IQSEC2: variants seen among roughly 807,000 people sequenced by gnomAD.
IQSEC2 encodes the protein IQ motif and Sec7 domain ArfGEF 2.
Under a neutral mutation model 74.6 loss-of-function variants are expected in IQSEC2, and 6 were observed. The ratio of observed to expected loss-of-function variants is 0.08; its 90% CI spans 0.04 to 0.16. The LOEUF is 0.16. IQSEC2 is among the 10% of genes least tolerant of loss of function. The pLI, the probability that IQSEC2 is intolerant of heterozygous loss-of-function variation, is 1.00. For missense variants in IQSEC2, 734 were observed against 1,306.2 expected, an observed-to-expected ratio of 0.56 and a Z score of 6.75; for synonymous variants, 494 against 544.5, an observed-to-expected ratio of 0.91 and a Z score of 1.29.
intron 1 of IQSEC2, among the ~76,000 whole-genome samples, chrX:53,307,775 C>G (rs1221749421): frequency 9.4e-6 from 1 of 106,468 alleles, no homozygotes. Context: ...TGGCAGTGCA[C>G]ACCTGTAATC....
chrX:53,251,277 G>C, intron 4 of IQSEC2, 103 bp from the exon 5 acceptor site: 1 of 868,997 alleles, frequency 1.2e-6, no homozygotes, highest in Non-Finnish European at 1.6e-6. Context: ...TAAGGAAAAA[G>C]GGGGAGTCTT....
At chrX:53,253,676 T>C (rs1238513196) in intron 4 of IQSEC2, among the ~76,000 whole-genome samples, 2 of 112,103 alleles carry the variant, frequency 1.8e-5, no homozygotes, top group Non-Finnish European at 3.8e-5. Context: ...CATTATACTA[T>C]AGCCTTTCTC....
chrX:53,266,656 A>C, intron 2 of IQSEC2: 2 of 841,279 alleles, frequency 2.4e-6, no homozygotes, highest in Non-Finnish European at 2.9e-6. Flanking sequence ...GTGCCTGGGA[A>C]GTGGGAGTGC....
chrX:53,288,558 G>A (rs1168608083), intron 2 of IQSEC2, among the ~76,000 whole-genome samples: 6 of 111,395 alleles, frequency 5.4e-5, no homozygotes, highest in East Asian at 5.7e-4. Context: ...CATCAGGCCC[G>A]TCCTGCCCTC....
intron 1 of IQSEC2, among the ~76,000 whole-genome samples, chrX:53,302,986 T>A (rs1190744280): frequency 9.0e-6 from 1 of 111,366 alleles, no homozygotes; most frequent in Non-Finnish European, 1.9e-5. Context: ...GAAGACTGCC[T>A]CAGCCCAAGA....
chrX:53,307,801 G>A (rs782441421), intron 1 of IQSEC2, among the ~76,000 whole-genome samples: 2 of 106,375 alleles, frequency 1.9e-5, no homozygotes, highest in Non-Finnish European at 3.9e-5. Flanking sequence ...TATTCGGGAG[G>A]CTGAGGCAGG....
At chrX:53,271,435 A>G (rs781819733) in intron 2 of IQSEC2, among the ~76,000 whole-genome samples, 19 of 110,778 alleles carry the variant, frequency 1.7e-4, no homozygotes, top group Non-Finnish European at 3.2e-4. Context: ...TTGCACTATC[A>G]CCCTGGCATG....
chrX:53,236,035 G>A (rs963451001), intron 13 of IQSEC2, among the ~76,000 whole-genome samples: 1 of 111,234 alleles, frequency 9.0e-6, no homozygotes, highest in Non-Finnish European at 1.9e-5. Flanking sequence ...AAGGAGGAGT[G>A]GAGGTACAGG....
chrX:53,239,099 T>A, intron 11 of IQSEC2, 96 bp downstream of exon 11: 1 of 678,873 alleles, frequency 1.5e-6, no homozygotes, highest in South Asian at 2.2e-5. Context: ...AGTCCGGTTG[T>A]AAGGGACTCC....
At chrX:53,232,333 C>A (rs1313104190), downstream of IQSEC2, among the ~76,000 whole-genome samples, 3 of 111,940 alleles carry the variant, frequency 2.7e-5, no homozygotes, top group Non-Finnish European at 3.8e-5. Context: ...AATCACTCCC[C>A]TACCCTCAAG....
chrX:53,267,787 G>T (rs933360085), intron 2 of IQSEC2, among the ~76,000 whole-genome samples: 4 of 111,990 alleles, frequency 3.6e-5, no homozygotes, highest in African/African-American at 1.3e-4. Context: ...CACTCTTGGA[G>T]CCTCAGTTTC....
intron 2 of IQSEC2, chrX:53,279,582 C>A (rs782767325): frequency 8.4e-7 from 1 of 1,194,638 alleles, no homozygotes; most frequent in Middle Eastern, 2.3e-4. Context: ...TGCCAGCCTG[C>A]CTGAGGGGGT....
chrX:53,288,426 C>T (rs782088096), intron 2 of IQSEC2, among the ~76,000 whole-genome samples: 2 of 103,234 alleles, frequency 1.9e-5, no homozygotes, highest in Non-Finnish European at 4.0e-5. Context: ...GCCACCTCCT[C>T]CTGCTTTCAT....
intron 2 of IQSEC2, among the ~76,000 whole-genome samples, chrX:53,264,460 C>T (rs2074623307): frequency 9.6e-6 from 1 of 103,954 alleles, no homozygotes; most frequent in East Asian, 3.1e-4. Flanking sequence ...CGTCCCCACC[C>T]CCACACTTGC....
chrX:53,249,400 C>T (rs781928821), intron 5 of IQSEC2, among the ~76,000 whole-genome samples: 116 of 111,714 alleles, frequency 1.0e-3, no homozygotes, highest in Non-Finnish European at 1.8e-3. Flanking sequence ...TCACAGCTAT[C>T]CCATATTCAG....
In IQSEC2 at chrX:53,254,825, C is replaced by T. The variant is rs1556864710; in HGVS notation, c.1106G>A (p.Arg369Gln). ...RQYRMNKNFE[R>Q]LRSSASESRM... Reference sequence around the variant, plus strand: ...GCTCTCTGAGGCTGAGCTGCGTAGCCGCTCAAAGTTCTTGTTCATGCGGTA... The same window carrying T: ...GCTCTCTGAGGCTGAGCTGCGTAGCTGCTCAAAGTTCTTGTTCATGCGGTA... The change falls in exon 4 of 15, where the codon CGG becomes CAG. Residue 369 changes from arginine (R) to glutamine (Q), a missense_variant. By Grantham distance (43) the Arg-to-Gln change is conservative. Transcript: ENST00000642864. 8.3e-7 allele frequency: 1 copy of T among 1,206,963 alleles called. No homozygotes were observed. Among genetic ancestry groups the T allele is most frequent in the Non-Finnish European group, 1.1e-6 (1 of 892,974 alleles).
rs188821732 is a variant in IQSEC2 at position 53,277,297 on chromosome X, C to T, written c.737+14598G>A. On this transcript the variant is annotated intron_variant, in intron 2 of 14. Transcript: ENST00000642864. Reference sequence around the variant, plus strand: ...CGCAATCTCGGCTCACTGCAACCTCCGCCTCCCAGGTTCAAGCGATTCTCC... The same window carrying T: ...CGCAATCTCGGCTCACTGCAACCTCTGCCTCCCAGGTTCAAGCGATTCTCC... 5.4e-3 allele frequency among the ~76,000 whole-genome samples: 590 copies of T among 109,646 alleles called. 1 individual carries two copies. The highest frequency in any genetic ancestry group is 8.3e-3 in the Non-Finnish European group (435 of 52,425).
intron 2 of IQSEC2, among the ~76,000 whole-genome samples, chrX:53,268,458 G>A (rs1290676711): frequency 9.0e-6 from 1 of 110,962 alleles, no homozygotes; most frequent in Non-Finnish European, 1.9e-5. Context: ...CTCCCTTTCT[G>A]AGTGTCCCAT....
chrX:53,244,268 T>G (rs1443101807), intron 8 of IQSEC2, among the ~76,000 whole-genome samples: 2 of 106,945 alleles, frequency 1.9e-5, no homozygotes, highest in Non-Finnish European at 3.9e-5. Flanking sequence ...AGGCGTGGTA[T>G]AATCCCAGCA....
Sources: allele counts gnomAD v4.1 joint callset (sites outside exome capture counted in the v4.1 genomes callset), GRCh38; gene constraint gnomAD v4.1.1; transcripts MANE v1.5; gene names NCBI Gene and HGNC (gene_info 2026-07-23, HGNC 2026-07-21).